Variants in GLI1 observed in about 807,000 individuals in gnomAD.
The protein encoded by GLI1 is GLI family zinc finger 1, also known as transcription activator GLI1.
Under a neutral mutation model 87.8 loss-of-function variants are expected in GLI1, and 51 were observed. That is an observed-to-expected ratio of 0.58 (90% CI 0.46 to 0.73). The LOEUF (loss-of-function observed/expected upper bound fraction) is 0.73. GLI1 is among the 30% of genes least tolerant of loss of function. The pLI is 0.00. For missense variants in GLI1, 1,292 were observed against 1,437.2 expected, an observed-to-expected ratio of 0.90 and a Z score of 1.63; for synonymous variants, 528 against 558.2, an observed-to-expected ratio of 0.95 and a Z score of 0.76.
Position 57,465,789 on chromosome 12 carries a change from A to T in GLI1, c.626A>T (p.Asp209Val), listed in dbSNP as rs769632060. The T allele has an allele frequency of 9.3e-6, 15 of 1,613,962 alleles. No individual in the cohort carries two copies. Among genetic ancestry groups the T allele is most frequent in the Non-Finnish European group, 1.3e-5 (15 of 1,179,962 alleles). ...MSSPNSTGIQ[D>V]PLLGMLDGRE... The stretch of plus-strand genomic sequence containing the variant: ...CTGAGATTGCCTCTCTTGCCCTAGG[A>T]TCCCCTGTTGGGGATGCTGGATGGG... Residue 209 changes from aspartate to valine, a missense_variant and splice_region_variant, in exon 7 of 12, where the codon GAT becomes GTT. Physicochemically the swap from Asp to Val is radical, Grantham distance 152 (BLOSUM62 -3). This residue lies in a region of GLI1 where 383 missense variants were observed against 368.4 expected (regional missense o/e 1.04). Coordinates refer to ENST00000228682, the MANE Select transcript of GLI1 (RefSeq NM_005269.3).
intron 2 of GLI1, 80 bp from the exon 3 acceptor site, chr12:57,463,919 C>A: frequency 8.4e-7 from 1 of 1,190,736 alleles, no homozygotes; most frequent in Non-Finnish European, 1.3e-6. Context: ...GACCTGGAAT[C>A]TGGGATCAGG....
chr12:57,465,615 T>A lies in GLI1; in HGVS notation c.543T>A (p.Ser181=), dbSNP rs947111400. ...RGPFPTCQLK[S]ELDMLVGKCR... ...CTCTTCCCCTGGGGAAGCTGAAGTCTGAGCTGGACATGCTGGTTGGCAAGT... is the reference window on the plus strand; with the variant it reads ...CTCTTCCCCTGGGGAAGCTGAAGTCAGAGCTGGACATGCTGGTTGGCAAGT... Residue 181 remains serine, a synonymous_variant, in exon 6 of 12, where the codon TCT becomes TCA. Transcript: ENST00000228682. The A allele has an allele frequency of 4.3e-6, 7 of 1,613,766 alleles. No homozygotes were observed. The highest frequency in any genetic ancestry group is 5.9e-6 in the Non-Finnish European group (7 of 1,179,784).
intron 10 of GLI1, 118 bp downstream of exon 10, chr12:57,468,342 T>G (rs1871636776): frequency 1.5e-6 from 1 of 657,180 alleles, no homozygotes; most frequent in Non-Finnish European, 2.7e-6. Context: ...GTGACCAGTC[T>G]GCCTGTCTCT....
intron 7 of GLI1, 44 bp from the exon 8 acceptor site, chr12:57,466,196 G>A (rs745818555): frequency 6.3e-7 from 1 of 1,586,320 alleles, no homozygotes; most frequent in Non-Finnish European, 8.6e-7. Flanking sequence ...TGGACCTCAG[G>A]GTCATGGGAG....
At position 57,471,953 on chromosome 12, in the gene GLI1, T is replaced by C; in HGVS notation, c.3213T>C (p.Ser1071=). ...CTTCCCATGATCAGCGGGGCAGCTC[T>C]GGACATACCCCACCTCCCTCTGGGC... ...PPPSHDQRGS[S]GHTPPPSGPP... The change falls in exon 12 of 12, where the codon TCT becomes TCC. Residue 1071 remains serine, a synonymous_variant. Transcript: ENST00000228682. This position sits in a 1 kb window ranked among gnomAD's most constrained non-coding sequence, Gnocchi z 4.9. 8 of 1,609,648 alleles carry C rather than the reference T, an allele frequency of 5.0e-6. No homozygotes were observed. Among genetic ancestry groups the C allele is most frequent in the Non-Finnish European group, 5.9e-6 (7 of 1,177,864 alleles).
chr12:57,463,817 C>T, intron 2 of GLI1, 26 bp downstream of exon 2: 1 of 1,395,688 alleles, frequency 7.2e-7, no homozygotes. Context: ...AATCCCTGGG[C>T]CTTGAGGATT....
At chr12:57,465,385 G>T (rs1222272378) in intron 5 of GLI1, 130 bp downstream of exon 5, 2 of 876,124 alleles carry the variant, frequency 2.3e-6, no homozygotes, top group Non-Finnish European at 3.5e-6. Flanking sequence ...AGAGGTGTGG[G>T]TGCTGGGGTT....
At chr12:57,460,545 G>A (rs2139844229) in intron 1 of GLI1, 1 of 152,702 alleles carries the variant, frequency 6.5e-6, no homozygotes, top group Non-Finnish European at 1.5e-5. Context: ...GTTGTAGAGA[G>A]GTAACCCCAG....
chr12:57,470,441 T>A lies in GLI1; in HGVS notation c.1701T>A (p.Pro567=), dbSNP rs1871803693. The A allele has an allele frequency of 1.7e-5, 28 of 1,614,006 alleles. No homozygotes were observed. The highest frequency in any genetic ancestry group is 2.0e-5 in the Non-Finnish European group (24 of 1,179,986). The change falls in exon 12 of 12, where the codon CCT becomes CCA. Residue 567 remains proline (P), a synonymous_variant. Transcript: ENST00000228682. The part of the protein sequence containing the change: ...RRSSLASPFP[P]GSPPENGASS... ...CCTCCCTGGCCTCTCCTTTCCCCCCTGGCTCCCCACCAGAGAATGGAGCAT... is the reference window on the plus strand; with the variant it reads ...CCTCCCTGGCCTCTCCTTTCCCCCCAGGCTCCCCACCAGAGAATGGAGCAT...
In GLI1 at chr12:57,471,780, C is replaced by T. The variant is rs1216707027; in HGVS notation, c.3040C>T (p.Pro1014Ser). ...AGGCACAAACCCCAGCTGTGGTCAT[C>T]CTGAGGTGGGCAGGCTAGGAGGGGG... ...VGGTNPSCGH[P>S]EVGRLGGGPA... The change falls in exon 12 of 12, where the codon CCT (proline) becomes TCT (serine). Residue 1014 changes from proline to serine, a missense_variant. Coordinates refer to ENST00000228682, the MANE Select transcript of GLI1 (RefSeq NM_005269.3). The surrounding 1 kb of genome is among the most constrained non-coding windows in gnomAD (Gnocchi z 4.9). 1 of 1,564,734 alleles carries T rather than the reference C, an allele frequency of 6.4e-7. No individual in the cohort carries two copies. The highest frequency in any genetic ancestry group is 1.4e-5 in the African/African-American group (1 of 73,746).
rs1326559916 is a variant in GLI1, at chr12:57,459,937, C to T, written c.-292C>T. On this transcript the variant is annotated 5_prime_UTR_variant, in exon 1 of 12. Coordinates refer to ENST00000228682, the MANE Select transcript of GLI1 (RefSeq NM_005269.3). ...AAATAGAAGGGAGGTGAGGGGCGAGCGGGAAGAGCGGCGGCGCGCCAGCGG... is the reference window on the plus strand; with the variant it reads ...AAATAGAAGGGAGGTGAGGGGCGAGTGGGAAGAGCGGCGGCGCGCCAGCGG... 6.6e-6 allele frequency among the ~76,000 whole-genome samples: 1 copy of T among 151,810 alleles called. No individual in the cohort carries two copies. Among genetic ancestry groups the T allele is most frequent in the Non-Finnish European group, 1.5e-5 (1 of 67,948 alleles).
chr12:57,465,360 G>T, intron 5 of GLI1, 105 bp downstream of exon 5: 1 of 1,108,436 alleles, frequency 9.0e-7, no homozygotes, highest in Non-Finnish European at 1.3e-6. Flanking sequence ...TAAGTTTTCA[G>T]TACTAGAAAA....
intron 1 of GLI1, among the ~76,000 whole-genome samples, chr12:57,462,718 A>G (rs146946829): frequency 4.3e-4 from 66 of 152,316 alleles, no homozygotes; most frequent in Admixed American, 3.3e-3. Flanking sequence ...CAACAGACCC[A>G]GAAGACTCCC....
chr12:57,466,316 GGCCCTTCAAA>G lies in GLI1; in HGVS notation c.844_853del (p.Phe282SerfsTer34). 1 of 1,614,076 alleles carries G rather than the reference GGCCCTTCAAA, an allele frequency of 6.2e-7. No homozygotes were observed. The highest frequency in any genetic ancestry group is 8.5e-7 in the Non-Finnish European group (1 of 1,179,972). ...TGGGGGGGCTGCTCCAGGGAGCTGA[GGCCCTTCAAA>G]GCCCAGTACATGCTGGTGGTTCACA... On this transcript the variant is annotated frameshift_variant, in exon 8 of 12. Transcript: ENST00000228682. LOFTEE classifies it high-confidence loss of function.
Position 57,470,735 on chromosome 12 carries a change from C to T in GLI1, c.1995C>T (p.Thr665=), listed in dbSNP as rs749550712. The T allele has an allele frequency of 6.2e-7, 1 of 1,613,012 alleles. No homozygotes were observed. The highest frequency in any genetic ancestry group is 1.3e-5 in the African/African-American group (1 of 74,936). The change falls in exon 12 of 12, where the codon ACC becomes ACT. Residue 665 remains threonine (T), a synonymous_variant. Transcript: ENST00000228682. ...TCAAGAGCCTGGGCTGTGTCCATACCCCACCCACTGTGGCAGGGGGAGGAC... is the reference window on the plus strand; with the variant it reads ...TCAAGAGCCTGGGCTGTGTCCATACTCCACCCACTGTGGCAGGGGGAGGAC... ...QRFKSLGCVH[T]PPTVAGGGQN...
intron 1 of GLI1, among the ~76,000 whole-genome samples, chr12:57,462,474 C>T (rs1871208581): frequency 6.8e-6 from 1 of 147,276 alleles, no homozygotes; most frequent in Non-Finnish European, 1.5e-5. Context: ...ACCCCACCCT[C>T]ATTCCCGGGA....
Position 57,464,050 on chromosome 12 carries a change from A to G in GLI1, c.152A>G (p.His51Arg), listed in dbSNP as rs1871317383. 6.2e-7 allele frequency: 1 copy of G among 1,613,744 alleles called. No homozygotes were observed. Among genetic ancestry groups the G allele is most frequent in the Non-Finnish European group, 8.5e-7 (1 of 1,179,786 alleles). Reference sequence around the variant, plus strand: ...CAAGCTAACCTCATGTCCGGCCCCCACAGTTATGGGCCAGCCAGAGAGACC... The same window carrying G: ...CAAGCTAACCTCATGTCCGGCCCCCGCAGTTATGGGCCAGCCAGAGAGACC... ...CHQANLMSGP[H>R]SYGPARETNS... The change falls in exon 3 of 12, where the codon CAC becomes CGC. Residue 51 changes from histidine (H) to arginine (R), a missense_variant. This residue lies in a region of GLI1 where 383 missense variants were observed against 368.4 expected (regional missense o/e 1.04). Transcript: ENST00000228682.
intron 1 of GLI1, among the ~76,000 whole-genome samples, chr12:57,463,017 T>C (rs1178772554): frequency 6.6e-6 from 1 of 152,168 alleles, no homozygotes; most frequent in Non-Finnish European, 1.5e-5. Context: ...AGAGGGTCCA[T>C]GTTACTAAAA....
intron 1 of GLI1, among the ~76,000 whole-genome samples, chr12:57,462,505 A>G (rs1299159939): frequency 3.7e-5 from 4 of 107,920 alleles, no homozygotes; most frequent in Non-Finnish European, 7.2e-5. Context: ...CCCGGGATGG[A>G]GTCAAAACTG....
Sources: gnomAD v4.1 joint callset for allele counts (sites outside exome capture counted in the v4.1 genomes callset) on GRCh38, gnomAD v4.1.1 for gene constraint, gnomAD v4.1.1 regional missense constraint, Gnocchi (gnomAD v3.1) non-coding constraint, MANE v1.5 for transcripts, NCBI Gene and HGNC (gene_info 2026-07-23, HGNC 2026-07-21) for gene names.